CELSR1: variants seen among roughly 807,000 people sequenced by gnomAD.
CELSR1 encodes cadherin EGF LAG seven-pass G-type receptor 1, also known as adhesion G protein-coupled receptor C1.
CELSR1 carries 110 observed loss-of-function variants against 249.1 expected under a neutral mutation model. The observed-to-expected ratio is 0.44, with a 90% CI of 0.38 to 0.52. CELSR1 has a LOEUF of 0.52. CELSR1 is among the 20% of genes least tolerant of loss of function. The pLI is 0.00. For synonymous variants in CELSR1, 2,113 were observed against 1,900.0 expected, an observed-to-expected ratio of 1.11 and a Z score of -2.92; for missense variants, 4,109 against 4,296.4, an observed-to-expected ratio of 0.96 and a Z score of 1.22.
chr22:46,361,601 G>C lies in CELSR1; in HGVS notation c.*1622C>G, dbSNP rs1012201075. 6.6e-6 allele frequency: 1 copy of C among 152,212 alleles called. No homozygotes were observed. The highest frequency in any genetic ancestry group is 2.4e-5 in the African/African-American group (1 of 41,456). 9.4% of individuals were successfully genotyped at this position (152,212 alleles called of 1,614,324 possible). ...GTAAGGCACATGTATAATTCATTCAGGTGTGAGGACTCTGGGATCTCATTT... is the reference window on the plus strand; with the variant it reads ...GTAAGGCACATGTATAATTCATTCACGTGTGAGGACTCTGGGATCTCATTT... On this transcript the variant is annotated 3_prime_UTR_variant, in exon 35 of 35. Transcript: ENST00000674500.
At position 46,391,356 on chromosome 22, in the gene CELSR1, T is replaced by A; in HGVS notation, c.6149-69A>T. 1.5e-6 allele frequency: 2 copies of A among 1,374,642 alleles called. No individual in the cohort carries two copies. The highest frequency in any genetic ancestry group is 1.0e-6 in the Non-Finnish European group (1 of 977,332). The allele number at this position is 1,374,642 out of a possible 1,614,324, so 85.2% of individuals were successfully genotyped here. Reference sequence around the variant, plus strand: ...ACCCACGACCACAAACAGGCACCACTGTCTGCATGCGCCTCCCTGCAGGAG... The same window carrying A: ...ACCCACGACCACAAACAGGCACCACAGTCTGCATGCGCCTCCCTGCAGGAG... On this transcript the variant is annotated intron_variant, in intron 15 of 34. Transcript: ENST00000674500. The surrounding 1 kb of genome is among the most constrained non-coding windows in gnomAD (Gnocchi z 4.3).
At position 46,381,517 on chromosome 22, in the gene CELSR1, G is replaced by C. The variant is rs1419325761; in HGVS notation, c.7088+329C>G. 6.6e-6 allele frequency among the ~76,000 whole-genome samples: 1 copy of C among 152,180 alleles called. No individual in the cohort carries two copies. Among genetic ancestry groups the C allele is most frequent in the Non-Finnish European group, 1.5e-5 (1 of 68,030 alleles). Reference sequence around the variant, plus strand: ...GGGGCCAGCAGCAGGCACTACCCATGACAGCCTTGGGCCAGGTGTGTGGGG... The same window carrying C: ...GGGGCCAGCAGCAGGCACTACCCATCACAGCCTTGGGCCAGGTGTGTGGGG... On this transcript the variant is annotated intron_variant, in intron 21 of 34. Transcript: ENST00000674500. This position sits in a 1 kb window ranked among gnomAD's most constrained non-coding sequence, Gnocchi z 6.0.
At chr22:46,377,439 G>T in intron 23 of CELSR1, 178 bp from the exon 24 acceptor site, 1 of 679,452 alleles carries the variant, frequency 1.5e-6, no homozygotes, top group Non-Finnish European at 2.5e-6. Context: ...CCCTCCTGAG[G>T]CTCCTTCAAT....
At chr22:46,373,837 C>T (rs1019843278) in intron 24 of CELSR1, among the ~76,000 whole-genome samples, 14 of 152,194 alleles carry the variant, frequency 9.2e-5, no homozygotes, top group Non-Finnish European at 1.8e-4. Flanking sequence ...TCAGTCCACC[C>T]TACCAGGGGG....
At chr22:46,364,849 T>G in intron 32 of CELSR1, 113 bp from the exon 33 acceptor site, 1 of 1,089,766 alleles carries the variant, frequency 9.2e-7, no homozygotes, top group Non-Finnish European at 1.3e-6. Flanking sequence ...GCAGGCCTGG[T>G]AGGGCTGAAC....
Position 46,387,912 on chromosome 22 carries a change from G to A in CELSR1, c.6556-1327C>T, listed in dbSNP as rs531679704. 1.4e-4 allele frequency among the ~76,000 whole-genome samples: 21 copies of A among 152,296 alleles called. No homozygotes were observed. The East Asian group carries it at 1.9e-3, about 14-fold the overall frequency. On this transcript the variant is annotated intron_variant, in intron 18 of 34. Coordinates refer to ENST00000674500, the MANE Select transcript of CELSR1 (RefSeq NM_001378328.1). ...ATGGAACCACCACAACCTGGGCTGCGCAGAGGTCCCACACTGAGGCCGCCG... is the reference window on the plus strand; with the variant it reads ...ATGGAACCACCACAACCTGGGCTGCACAGAGGTCCCACACTGAGGCCGCCG...
At chr22:46,403,083 T>A (rs970175537) in intron 9 of CELSR1, among the ~76,000 whole-genome samples, 1 of 152,140 alleles carries the variant, frequency 6.6e-6, no homozygotes, top group Admixed American at 6.6e-5. Flanking sequence ...CCAAGTCAAT[T>A]TGCTGGGAAG....
chr22:46,455,876 G>C (rs1426803654), intron 2 of CELSR1, among the ~76,000 whole-genome samples: 1 of 152,212 alleles, frequency 6.6e-6, no homozygotes, highest in African/African-American at 2.4e-5. Context: ...ATAGAAAACA[G>C]TTATCCAGAA....
intron 28 of CELSR1, 32 bp downstream of exon 28, chr22:46,367,697 G>A: frequency 6.4e-7 from 1 of 1,574,320 alleles, no homozygotes; most frequent in Non-Finnish European, 8.6e-7. Context: ...CGGCCAGGCA[G>A]GGGTCCCGCG....
intron 1 of CELSR1, among the ~76,000 whole-genome samples, chr22:46,478,567 G>C (rs1353293862): frequency 6.6e-6 from 1 of 151,140 alleles, no homozygotes; most frequent in East Asian, 1.9e-4. Flanking sequence ...TTTTGAGATG[G>C]AGTCTCACAC....
Position 46,439,331 on chromosome 22 carries a change from G to A in CELSR1, c.4264C>T (p.Leu1422Phe), listed in dbSNP as rs777208785. The A allele has an allele frequency of 6.2e-7, 1 of 1,614,110 alleles. No individual in the cohort carries two copies. Among genetic ancestry groups the A allele is most frequent in the Admixed American group, 1.7e-5 (1 of 60,026 alleles). ...CACACGCAGTGGAAGCCGCCGATGA[G>A]CAGGTTCACGCAGGTGCCCCCGTTC... ...CKNGGTCVNL[L>F]IGGFHCVCPP... Residue 1422 changes from leucine to phenylalanine, a missense_variant, in exon 3 of 35, where the codon CTC (leucine) becomes TTC (phenylalanine). This residue lies in a region of CELSR1 where 453 missense variants were observed against 492.0 expected (regional missense o/e 0.92). Coordinates refer to ENST00000674500, the MANE Select transcript of CELSR1 (RefSeq NM_001378328.1).
intron 1 of CELSR1, among the ~76,000 whole-genome samples, chr22:46,489,597 C>A (rs554498521): frequency 8.5e-5 from 13 of 152,212 alleles, no homozygotes; most frequent in African/African-American, 3.1e-4. Context: ...CTCCTGGGGG[C>A]AGCTCAGACT....
chr22:46,399,683 T>C lies in CELSR1; in HGVS notation c.5412+34A>G. 5.0e-6 allele frequency: 8 copies of C among 1,603,604 alleles called. No individual in the cohort carries two copies. Among genetic ancestry groups the C allele is most frequent in the Non-Finnish European group, 6.8e-6 (8 of 1,171,050 alleles). ...GTTTTTCCCTGGGCCGGAGGAAGGG[T>C]CTATCCCCAGAGGAGGTGCAGGTGC... On this transcript the variant is annotated intron_variant, in intron 10 of 34. Transcript: ENST00000674500. The surrounding 1 kb of genome is among the most constrained non-coding windows in gnomAD (Gnocchi z 5.0).
intron 5 of CELSR1, among the ~76,000 whole-genome samples, chr22:46,416,036 T>C (rs2079396685): frequency 6.7e-6 from 1 of 148,982 alleles, no homozygotes; most frequent in Admixed American, 6.7e-5. Flanking sequence ...GCCTCTGAGT[T>C]TTCCAGCCAG....
rs2079415691 is a variant in CELSR1 at position 46,417,406 on chromosome 22, G to C, written c.4612-5647C>G. ...ACCTCAGACCGAGCTGCTACTTCCT[G>C]GTGGTCCCAATACCCCTAGGCAGGT... On this transcript the variant is annotated intron_variant, in intron 5 of 34. Coordinates refer to ENST00000674500, the MANE Select transcript of CELSR1 (RefSeq NM_001378328.1). This position sits in a 1 kb window ranked among gnomAD's most constrained non-coding sequence, Gnocchi z 4.1. 6.6e-6 allele frequency among the ~76,000 whole-genome samples: 1 copy of C among 152,214 alleles called. No homozygotes were observed. Among genetic ancestry groups the C allele is most frequent in the Non-Finnish European group, 1.5e-5 (1 of 68,040 alleles).
rs2079121928 is a variant in CELSR1 at position 46,393,997 on chromosome 22, AATGTG to A, written c.5964+140_5964+144del. 3 of 1,094,880 alleles carry A rather than the reference AATGTG, an allele frequency of 2.7e-6. No homozygotes were observed. The highest frequency in any genetic ancestry group is 3.4e-5 in the South Asian group (2 of 59,368). 67.8% of individuals were successfully genotyped at this position (1,094,880 alleles called of 1,614,324 possible). On this transcript the variant is annotated intron_variant, in intron 14 of 34. Coordinates refer to ENST00000674500, the MANE Select transcript of CELSR1 (RefSeq NM_001378328.1). The surrounding 1 kb of genome is among the most constrained non-coding windows in gnomAD (Gnocchi z 4.1). ...AAACCAAAAACCACATCTGTACACA[AATGTG>A]ATGTGAGTGGGCACAGGTGTGTGTG...
At chr22:46,520,231 A>C (rs1351477142) in intron 1 of CELSR1, among the ~76,000 whole-genome samples, 1 of 152,112 alleles carries the variant, frequency 6.6e-6, no homozygotes, top group African/African-American at 2.4e-5. Flanking sequence ...AAGGCACAGA[A>C]GGAAGAAGAG....
intron 19 of CELSR1, among the ~76,000 whole-genome samples, chr22:46,385,710 C>CAG (rs2079025077): frequency 6.8e-6 from 1 of 146,300 alleles, no homozygotes; most frequent in African/African-American, 2.6e-5. Context: ...CGGAGTCTGG[C>CAG]TCTCTCGCCC....
rs2078709065 is a variant in CELSR1, at chr22:46,361,951, T to C, written c.*1272A>G. 1 of 152,214 alleles carries C rather than the reference T, an allele frequency of 6.6e-6. No individual in the cohort carries two copies. The allele number at this position is 152,214 out of a possible 1,614,324, so 9.4% of individuals were successfully genotyped here. On this transcript the variant is annotated 3_prime_UTR_variant, in exon 35 of 35. Coordinates refer to ENST00000674500, the MANE Select transcript of CELSR1 (RefSeq NM_001378328.1). ...TTGGTGTGAATTTCCAAAAACAGTT[T>C]GGTAACCGTTGAAGAGTGTGGCTGT...
Sources: gnomAD v4.1 joint callset for allele counts (sites outside exome capture counted in the v4.1 genomes callset) on GRCh38, gnomAD v4.1.1 for gene constraint, gnomAD v4.1.1 regional missense constraint, Gnocchi (gnomAD v3.1) non-coding constraint, MANE v1.5 for transcripts, NCBI Gene and HGNC (gene_info 2026-07-23, HGNC 2026-07-21) for gene names.